Variants in CPQ observed in about 807,000 individuals in gnomAD.
CPQ encodes carboxypeptidase Q, also known as Ser-Met dipeptidase.
CPQ carries 37 observed loss-of-function variants against 45.7 expected under a neutral mutation model. The ratio of observed to expected loss-of-function variants is 0.81; its 90% CI spans 0.62 to 1.07. The LOEUF is 1.07. CPQ is among the 50% of genes least tolerant of loss of function. The pLI is 0.00. For missense variants in CPQ, 537 were observed against 572.9 expected (o/e 0.94, Z 0.64); for synonymous variants, 186 against 205.8 (o/e 0.90, Z 0.82).
intron 3 of CPQ, among the ~76,000 whole-genome samples, chr8:96,844,824 G>T (rs975277668): frequency 6.6e-6 from 1 of 152,140 alleles, no homozygotes. Context: ...GATTTCGGGA[G>T]CCCACTCTCC....
chr8:96,823,569 A>T (rs1293893666), intron 2 of CPQ, among the ~76,000 whole-genome samples: 1 of 151,924 alleles, frequency 6.6e-6, no homozygotes, highest in East Asian at 1.9e-4. Flanking sequence ...ATTTTATTTT[A>T]CTATACTTTC....
At chr8:96,989,743 C>A (rs1586482836) in intron 5 of CPQ, among the ~76,000 whole-genome samples, 1 of 152,094 alleles carries the variant, frequency 6.6e-6, no homozygotes, top group South Asian at 2.1e-4. Flanking sequence ...TCCCCCTGAA[C>A]CTTTAGCCAG....
intron 5 of CPQ, among the ~76,000 whole-genome samples, chr8:97,005,952 C>A (rs1809374403): frequency 6.6e-6 from 1 of 152,122 alleles, no homozygotes; most frequent in African/African-American, 2.4e-5. Flanking sequence ...TTTATATGCT[C>A]CATAAAATTC....
rs112118402 is a variant in CPQ, at chr8:96,700,733, T to A, written c.-35+55331T>A. Among the ~76,000 whole-genome samples the A allele has an allele frequency of 4.5e-4, 69 of 152,144 alleles. 2 individuals carry two copies. Among genetic ancestry groups the A allele is most frequent in the African/African-American group, 1.7e-3 (69 of 41,522 alleles). On this transcript the variant is annotated intron_variant, in intron 1 of 7. Coordinates refer to ENST00000220763, the MANE Select transcript of CPQ (RefSeq NM_016134.4). ...CTCTCCCACTGCTCTAATGCGTGGG[T>A]GGACTTACAGCCTGGAAGCTGGAGG...
chr8:97,088,306 T>A (rs1392929870), intron 7 of CPQ, among the ~76,000 whole-genome samples: 2 of 152,230 alleles, frequency 1.3e-5, no homozygotes, highest in Non-Finnish European at 2.9e-5. Context: ...AATAGCTGTA[T>A]GCCTTGATTT....
chr8:96,802,964 C>G (rs921408193), intron 2 of CPQ, among the ~76,000 whole-genome samples: 1 of 151,118 alleles, frequency 6.6e-6, no homozygotes, highest in African/African-American at 2.4e-5. Context: ...TTGTATTAAT[C>G]AAGGTTCTCA....
At chr8:96,857,399 A>G (rs1811865319) in intron 3 of CPQ, among the ~76,000 whole-genome samples, 2 of 152,192 alleles carry the variant, frequency 1.3e-5, no homozygotes, top group South Asian at 2.1e-4. Context: ...CATTTCTCCC[A>G]TGACTTCTGC....
At chr8:96,771,940 C>T (rs1810548753) in intron 1 of CPQ, among the ~76,000 whole-genome samples, 1 of 151,822 alleles carries the variant, frequency 6.6e-6, no homozygotes, top group Non-Finnish European at 1.5e-5. Context: ...ATGGATTCTA[C>T]ACATTCTCTA....
At chr8:96,997,843 G>C (rs1364303298) in intron 5 of CPQ, among the ~76,000 whole-genome samples, 2 of 151,922 alleles carry the variant, frequency 1.3e-5, no homozygotes, top group African/African-American at 4.8e-5. Context: ...AAGCTCTTTT[G>C]CTAAGCAACG....
At chr8:97,094,176 T>C (rs962853045) in intron 7 of CPQ, among the ~76,000 whole-genome samples, 35 of 152,206 alleles carry the variant, frequency 2.3e-4, no homozygotes, top group African/African-American at 8.2e-4. Flanking sequence ...ACGACTAAGA[T>C]TTGGACACAC....
intron 1 of CPQ, among the ~76,000 whole-genome samples, chr8:96,696,108 G>T (rs1349943051): frequency 1.3e-5 from 2 of 151,920 alleles, no homozygotes; most frequent in African/African-American, 2.4e-5. Flanking sequence ...ATACTATGCA[G>T]CCATAAAAAA....
intron 1 of CPQ, among the ~76,000 whole-genome samples, chr8:96,782,333 A>G (rs531918138): frequency 6.6e-6 from 1 of 152,302 alleles, no homozygotes; most frequent in Non-Finnish European, 1.5e-5. Flanking sequence ...ACTCAGGAGC[A>G]GAGGCCTTAG....
At chr8:96,853,289 C>T (rs143499312) in intron 3 of CPQ, among the ~76,000 whole-genome samples, 120 of 152,286 alleles carry the variant, frequency 7.9e-4, no homozygotes, top group African/African-American at 2.8e-3. Context: ...AAGGCCAGGG[C>T]GCTGTGACAG....
chr8:97,033,923 AAT>A (rs1212853067), intron 6 of CPQ, among the ~76,000 whole-genome samples: 2 of 152,272 alleles, frequency 1.3e-5, no homozygotes, highest in Non-Finnish European at 2.9e-5. Flanking sequence ...GAAAATATAA[AAT>A]AGTTATTTTA....
intron 7 of CPQ, among the ~76,000 whole-genome samples, chr8:97,126,432 C>A (rs923303137): frequency 6.6e-6 from 1 of 152,122 alleles, no homozygotes; most frequent in African/African-American, 2.4e-5. Context: ...ACCCTCTCTT[C>A]GTGACCTTCC....
intron 5 of CPQ, among the ~76,000 whole-genome samples, chr8:96,979,273 C>A (rs1813845180): frequency 6.6e-6 from 1 of 152,012 alleles, no homozygotes; most frequent in African/African-American, 2.4e-5. Context: ...GGACTTCTTT[C>A]TAAAATAGGG....
At chr8:96,764,503 A>T (rs912381273) in intron 1 of CPQ, among the ~76,000 whole-genome samples, 1 of 152,194 alleles carries the variant, frequency 6.6e-6, no homozygotes, top group Non-Finnish European at 1.5e-5. Context: ...TAATGGTCTT[A>T]TGGATGTAAA....
In CPQ at chr8:96,720,347, A is replaced by G. The variant is rs182569225; in HGVS notation, c.-34-64517A>G. ...GTCATTTTTTTATTGTATGAGGGAC[A>G]TTGTAGACAATATATTGCAGACACT... is the stretch of plus-strand genomic sequence containing the variant. On this transcript the variant is annotated intron_variant, in intron 1 of 7. Transcript: ENST00000220763. Among the ~76,000 whole-genome samples, 16 of 152,188 alleles carry G rather than the reference A, an allele frequency of 1.1e-4. No individual in the cohort carries two copies. In the East Asian group the frequency reaches 2.9e-3, roughly 28 times the overall value.
chr8:97,073,419 A>G (rs1810787855), intron 7 of CPQ, among the ~76,000 whole-genome samples: 1 of 152,208 alleles, frequency 6.6e-6, no homozygotes, highest in Non-Finnish European at 1.5e-5. Flanking sequence ...CAGCGGCTCT[A>G]TATCCCCTGT....
Sources: gnomAD v4.1 joint callset for allele counts (sites outside exome capture counted in the v4.1 genomes callset) on GRCh38, gnomAD v4.1.1 for gene constraint, MANE v1.5 for transcripts, NCBI Gene and HGNC (gene_info 2026-07-23, HGNC 2026-07-21) for gene names.